The following TPST1 variants were observed in gnomAD, a reference collection of about 807,000 sequenced individuals.
TPST1 encodes protein-tyrosine sulfotransferase 1.
TPST1 carries 20 observed loss-of-function variants against 34.8 expected under a neutral mutation model. The ratio of observed to expected loss-of-function variants is 0.57; its 90% CI spans 0.40 to 0.84. The LOEUF is 0.84. TPST1 is among the 40% of genes least tolerant of loss of function. The pLI is 0.00. For missense variants in TPST1, 353 were observed against 455.5 expected, an observed-to-expected ratio of 0.78 and a Z score of 2.05; for synonymous variants, 152 against 159.4, an observed-to-expected ratio of 0.95 and a Z score of 0.35.
At chr7:66,258,071 A>G (rs188332283) in intron 2 of TPST1, among the ~76,000 whole-genome samples, 16 of 152,304 alleles carry the variant, frequency 1.1e-4, no homozygotes, top group Admixed American at 1.0e-3. Flanking sequence ...TTTTTGGCTT[A>G]GGATTTTTAT....
At chr7:66,259,776 C>T (rs1790450352) in intron 2 of TPST1, among the ~76,000 whole-genome samples, 1 of 152,082 alleles carries the variant, frequency 6.6e-6, no homozygotes, top group Non-Finnish European at 1.5e-5. Flanking sequence ...AACCCAAAGT[C>T]CATAGTTTAC....
chr7:66,241,981 A>G (rs2116414054), intron 2 of TPST1, among the ~76,000 whole-genome samples: 1 of 152,330 alleles, frequency 6.6e-6, no homozygotes, highest in East Asian at 1.9e-4. Flanking sequence ...AAGGCTAGAG[A>G]ATCTCCAAAA....
chr7:66,257,339 A>T (rs1421016013), intron 2 of TPST1, among the ~76,000 whole-genome samples: 1 of 152,236 alleles, frequency 6.6e-6, no homozygotes, highest in African/African-American at 2.4e-5. Flanking sequence ...CAAGGGTGGA[A>T]CAGGCATGGG....
chr7:66,268,996 T>G (rs1348188303), intron 2 of TPST1, among the ~76,000 whole-genome samples: 2 of 152,214 alleles, frequency 1.3e-5, no homozygotes, highest in African/African-American at 4.8e-5. Context: ...TAAAAGACAT[T>G]TTTAAAAAAT....
chr7:66,262,211 T>C (rs1790502328), intron 2 of TPST1, among the ~76,000 whole-genome samples: 2 of 152,230 alleles, frequency 1.3e-5, no homozygotes, highest in Admixed American at 1.3e-4. Context: ...TTGGGTGTCA[T>C]ATTCTTTAAG....
At chr7:66,359,855 G>A (rs776693471) in intron 5 of TPST1, 40 bp from the exon 6 acceptor site, 92 of 456,344 alleles carry the variant, frequency 2.0e-4, no homozygotes, top group Non-Finnish European at 3.7e-4. Flanking sequence ...AACACACCGG[G>A]ACTCCACACC....
intron 2 of TPST1, among the ~76,000 whole-genome samples, chr7:66,285,738 T>C (rs547351311): frequency 5.6e-4 from 86 of 152,358 alleles, no homozygotes; most frequent in African/African-American, 2.0e-3. Context: ...CCAAATGTCA[T>C]TTGATGCTAC....
chr7:66,247,540 G>T (rs1428616325), intron 2 of TPST1, among the ~76,000 whole-genome samples: 1 of 152,296 alleles, frequency 6.6e-6, no homozygotes, highest in East Asian at 1.9e-4. Flanking sequence ...CCCTAAAGAA[G>T]GGTTTCCTCA....
chr7:66,339,833 TAAAAAAA>T (rs71526540), intron 3 of TPST1, among the ~76,000 whole-genome samples: 1 of 112,490 alleles, frequency 8.9e-6, no homozygotes, highest in Non-Finnish European at 1.8e-5. Flanking sequence ...CCCCTCAACC[TAAAAAAA>T]AAAAAAAAAA....
chr7:66,283,753 C>T (rs1387498379), intron 2 of TPST1, among the ~76,000 whole-genome samples: 1 of 152,186 alleles, frequency 6.6e-6, no homozygotes, highest in African/African-American at 2.4e-5. Flanking sequence ...TTGCCCTAGT[C>T]ATGTGTTACC....
intron 2 of TPST1, among the ~76,000 whole-genome samples, chr7:66,273,901 C>T (rs1383442086): frequency 1.3e-5 from 2 of 152,090 alleles, no homozygotes; most frequent in African/African-American, 4.8e-5. Flanking sequence ...CTTCTGGGTT[C>T]AAGCGATTCT....
chr7:66,316,550 T>G (rs556597698), intron 3 of TPST1, among the ~76,000 whole-genome samples: 13 of 152,362 alleles, frequency 8.5e-5, no homozygotes, highest in Admixed American at 2.0e-4. Flanking sequence ...TGGATAGATT[T>G]GTTCATTTCT....
At chr7:66,350,220 G>A (rs2116378067) in intron 3 of TPST1, among the ~76,000 whole-genome samples, 1 of 152,198 alleles carries the variant, frequency 6.6e-6, no homozygotes, top group South Asian at 2.1e-4. Flanking sequence ...TCACCATGTT[G>A]GCCAGGCTGG....
intron 3 of TPST1, among the ~76,000 whole-genome samples, chr7:66,336,533 G>T (rs1267215527): frequency 6.6e-6 from 1 of 152,106 alleles, no homozygotes; most frequent in African/African-American, 2.4e-5. Context: ...TGAGCTTCAG[G>T]ACAGAACATA....
chr7:66,285,874 G>A lies in TPST1; in HGVS notation c.846-637G>A, dbSNP rs1584208282. Among the ~76,000 whole-genome samples, 11 of 152,218 alleles carry A rather than the reference G, an allele frequency of 7.2e-5. No homozygotes were observed. The South Asian group carries it at 2.3e-3, about 32-fold the overall frequency. On this transcript the variant is annotated intron_variant, in intron 2 of 5. Coordinates refer to ENST00000304842, the MANE Select transcript of TPST1 (RefSeq NM_003596.4). ...CTGTAATATTGAATCCTGTAATATTGAAAATCAAAAACAGCCCTTTTTTTT... is the reference window on the plus strand; with the variant it reads ...CTGTAATATTGAATCCTGTAATATTAAAAATCAAAAACAGCCCTTTTTTTT...
At chr7:66,271,095 T>C (rs1790694846) in intron 2 of TPST1, among the ~76,000 whole-genome samples, 2 of 152,316 alleles carry the variant, frequency 1.3e-5, no homozygotes, top group African/African-American at 4.8e-5. Flanking sequence ...CCTTTTCATC[T>C]TCCCAAGAGA....
At chr7:66,358,923 G>A (rs537935673) in intron 5 of TPST1, 2 of 152,248 alleles carry the variant, frequency 1.3e-5, no homozygotes, top group African/African-American at 4.8e-5. Flanking sequence ...GTGGAGGTTG[G>A]GAGGGGCCAA....
At chr7:66,307,388 G>A (rs943500927) in intron 3 of TPST1, among the ~76,000 whole-genome samples, 8 of 152,118 alleles carry the variant, frequency 5.3e-5, no homozygotes, top group African/African-American at 1.9e-4. Flanking sequence ...AAAGTGCTGG[G>A]ATTACAGGTG....
intron 1 of TPST1, among the ~76,000 whole-genome samples, chr7:66,220,664 G>T: frequency 7.0e-6 from 1 of 143,650 alleles, no homozygotes; most frequent in Admixed American, 7.3e-5. Flanking sequence ...CACTGGGTGA[G>T]TGTGTGGGGG....
Sources: gnomAD v4.1 joint callset for allele counts (sites outside exome capture counted in the v4.1 genomes callset) on GRCh38, gnomAD v4.1.1 for gene constraint, MANE v1.5 for transcripts, NCBI Gene and HGNC (gene_info 2026-07-23, HGNC 2026-07-21) for gene names.